DSCAM: variants seen among roughly 807,000 people sequenced by gnomAD.
The protein encoded by DSCAM is cell adhesion molecule DSCAM.
Under a neutral mutation model 217.7 loss-of-function variants are expected in DSCAM, and 47 were observed. The ratio of observed to expected loss-of-function variants is 0.22; its 90% CI spans 0.17 to 0.28. The LOEUF is 0.28. Among genes scored for constraint, DSCAM ranks in the 10% least tolerant of loss-of-function variants. The pLI, the probability that DSCAM is intolerant of heterozygous loss-of-function variation, is 1.00. For missense variants in DSCAM, 2,080 were observed against 2,618.3 expected (o/e 0.79, Z 4.49); for synonymous variants, 1,056 against 1,015.3 (o/e 1.04, Z -0.76).
intron 11 of DSCAM, among the ~76,000 whole-genome samples, chr21:40,234,196 T>C (rs1248213884): frequency 1.3e-5 from 2 of 152,320 alleles, no homozygotes; most frequent in Middle Eastern, 3.4e-3. Context: ...TTGGACAACA[T>C]GGTGCCTGGG....
At chr21:40,838,543 G>A (rs1201602434) in intron 1 of DSCAM, among the ~76,000 whole-genome samples, 1 of 152,174 alleles carries the variant, frequency 6.6e-6, no homozygotes, top group Non-Finnish European at 1.5e-5. Context: ...TGAGAAAGTT[G>A]GGATATTTAG....
intron 3 of DSCAM, among the ~76,000 whole-genome samples, chr21:40,557,294 A>G (rs1022462334): frequency 6.6e-6 from 1 of 152,008 alleles, no homozygotes; most frequent in Non-Finnish European, 1.5e-5. Context: ...TTCTCTCGGG[A>G]ATTAATTCCT....
At chr21:40,487,244 T>A (rs747553387) in intron 3 of DSCAM, among the ~76,000 whole-genome samples, 9 of 118,406 alleles carry the variant, frequency 7.6e-5, no homozygotes, top group Non-Finnish European at 1.7e-4. Flanking sequence ...TCTCTCTCTC[T>A]CTCTTTCTCT....
intron 3 of DSCAM, among the ~76,000 whole-genome samples, chr21:40,462,846 T>A (rs2075816864): frequency 6.6e-6 from 1 of 152,156 alleles, no homozygotes; most frequent in African/African-American, 2.4e-5. Context: ...AGGTGCCACA[T>A]GGTAAATGTG....
chr21:40,570,014 C>T (rs456992), intron 3 of DSCAM, among the ~76,000 whole-genome samples: 1 of 152,166 alleles, frequency 6.6e-6, no homozygotes, highest in African/African-American at 2.4e-5. Context: ...AGGTGGATCT[C>T]TGCATTCCCC....
chr21:40,744,721 C>T (rs1422380478), intron 1 of DSCAM, among the ~76,000 whole-genome samples: 6 of 151,828 alleles, frequency 4.0e-5, no homozygotes, highest in South Asian at 2.1e-4. Context: ...TCATAAAACA[C>T]GCAAAAATTG....
At chr21:40,252,481 C>T (rs964534670) in intron 11 of DSCAM, among the ~76,000 whole-genome samples, 1 of 152,082 alleles carries the variant, frequency 6.6e-6, no homozygotes, top group Non-Finnish European at 1.5e-5. Flanking sequence ...AATTTCAGAT[C>T]TTGAGTAGGA....
chr21:40,197,407 C>T (rs954275423), intron 11 of DSCAM, among the ~76,000 whole-genome samples: 14 of 152,118 alleles, frequency 9.2e-5, no homozygotes, highest in Non-Finnish European at 2.9e-5. Context: ...CGTGAGCCAC[C>T]GCGCCCAGCC....
intron 1 of DSCAM, among the ~76,000 whole-genome samples, chr21:40,717,301 C>T (rs1048854045): frequency 1.5e-4 from 23 of 152,136 alleles, no homozygotes; most frequent in African/African-American, 3.1e-4. Context: ...AAAAAGCATG[C>T]GCTTAGCCCT....
intron 3 of DSCAM, among the ~76,000 whole-genome samples, chr21:40,680,676 C>T (rs2090391499): frequency 2.6e-5 from 4 of 152,158 alleles, no homozygotes; most frequent in Admixed American, 2.6e-4. Context: ...TTCTGGACAG[C>T]CAATATTTTC....
At chr21:40,318,017 T>C (rs146783511) in intron 8 of DSCAM, among the ~76,000 whole-genome samples, 5 of 152,168 alleles carry the variant, frequency 3.3e-5, no homozygotes, top group Admixed American at 2.0e-4. Context: ...TCATTTTTTA[T>C]GGCTGTATAG....
At chr21:40,503,561 G>A (rs1015425431) in intron 3 of DSCAM, among the ~76,000 whole-genome samples, 1 of 152,194 alleles carries the variant, frequency 6.6e-6, no homozygotes, top group African/African-American at 2.4e-5. Flanking sequence ...CTATCAAGGA[G>A]CTGTCAGATG....
At chr21:40,402,030 ATTC>A (rs2075238620) in intron 3 of DSCAM, among the ~76,000 whole-genome samples, 1 of 83,048 alleles carries the variant, frequency 1.2e-5, no homozygotes, top group Admixed American at 1.1e-4. Context: ...AGTAAAATTT[ATTC>A]TTATTATTCT....
At chr21:40,786,003 G>A (rs950911139) in intron 1 of DSCAM, among the ~76,000 whole-genome samples, 3 of 152,142 alleles carry the variant, frequency 2.0e-5, no homozygotes, top group African/African-American at 4.8e-5. Context: ...TTGGGAGGCC[G>A]AGGTGGGCAG....
At chr21:40,790,250 C>T (rs1410846111) in intron 1 of DSCAM, among the ~76,000 whole-genome samples, 5 of 147,868 alleles carry the variant, frequency 3.4e-5, no homozygotes, top group African/African-American at 5.0e-5. Flanking sequence ...GGCGCAATCT[C>T]GGCTCACTGC....
At chr21:40,363,252 CTTT>C (rs35756323) in intron 4 of DSCAM, among the ~76,000 whole-genome samples, 5 of 116,164 alleles carry the variant, frequency 4.3e-5, no homozygotes, top group Middle Eastern at 4.6e-3. Context: ...TTTTTGTGTT[CTTT>C]TTTTTTTTTT....
chr21:40,239,003 A>T (rs2073113759), intron 11 of DSCAM, among the ~76,000 whole-genome samples: 2 of 152,190 alleles, frequency 1.3e-5, no homozygotes, highest in Admixed American at 6.5e-5. Context: ...TCACCGTCTA[A>T]CTTATGATCT....
chr21:40,140,385 G>T (rs540440491), intron 18 of DSCAM, among the ~76,000 whole-genome samples: 1 of 152,186 alleles, frequency 6.6e-6, no homozygotes, highest in East Asian at 1.9e-4. Flanking sequence ...AGTTTTCAAA[G>T]CTTTAAAGGT....
chr21:40,519,199 C>T (rs537327174), intron 3 of DSCAM, among the ~76,000 whole-genome samples: 14 of 152,074 alleles, frequency 9.2e-5, no homozygotes, highest in African/African-American at 2.7e-4. Context: ...AAATATATGA[C>T]GGTGAGTGTT....
Sources: gnomAD v4.1 joint callset for allele counts (sites outside exome capture counted in the v4.1 genomes callset) on GRCh38, gnomAD v4.1.1 for gene constraint, MANE v1.5 for transcripts, NCBI Gene and HGNC (gene_info 2026-07-23, HGNC 2026-07-21) for gene names.